Variants in JPH3 observed in about 807,000 individuals in gnomAD.
The protein encoded by JPH3 is junctophilin-3.
Under a neutral mutation model 59.6 loss-of-function variants are expected in JPH3, and 11 were observed. The ratio of observed to expected loss-of-function variants is 0.18; its 90% CI spans 0.12 to 0.31. The LOEUF is 0.31. Ranked by LOEUF, JPH3 falls within the 10% of genes least tolerant of loss-of-function variation. JPH3 has a pLI of 1.00. For missense variants in JPH3, 1,202 were observed against 1,105.7 expected, an observed-to-expected ratio of 1.09 and a Z score of -1.24; for synonymous variants, 673 against 483.6, an observed-to-expected ratio of 1.39 and a Z score of -5.14.
At chr16:87,618,753 T>C (rs1029407757) in intron 1 of JPH3, among the ~76,000 whole-genome samples, 4 of 152,148 alleles carry the variant, frequency 2.6e-5, no homozygotes, top group African/African-American at 9.7e-5. Context: ...CATTGGTACA[T>C]CTTTGGAGCA....
intron 2 of JPH3, among the ~76,000 whole-genome samples, chr16:87,676,070 C>T (rs778287051): frequency 2.0e-5 from 3 of 152,370 alleles, no homozygotes; most frequent in East Asian, 1.9e-4. Flanking sequence ...AGTTAGATCA[C>T]GATGGTGGTG....
intron 1 of JPH3, among the ~76,000 whole-genome samples, chr16:87,632,162 C>T (rs1235228474): frequency 6.6e-6 from 1 of 152,174 alleles, no homozygotes; most frequent in Non-Finnish European, 1.5e-5. Flanking sequence ...GAGGAATTTT[C>T]CACCTCTCTC....
chr16:87,646,552 A>G (rs1227189599), intron 2 of JPH3, among the ~76,000 whole-genome samples: 2 of 152,362 alleles, frequency 1.3e-5, no homozygotes, highest in South Asian at 2.1e-4. Context: ...AAAATAAATA[A>G]CACTGAGAAG....
chr16:87,616,504 C>G (rs1308312855), intron 1 of JPH3, among the ~76,000 whole-genome samples: 2 of 151,770 alleles, frequency 1.3e-5, no homozygotes, highest in African/African-American at 2.4e-5. Context: ...CCCACCTCGG[C>G]CTTCCAAAGT....
At chr16:87,622,267 A>G (rs151245641) in intron 1 of JPH3, among the ~76,000 whole-genome samples, 20 of 152,332 alleles carry the variant, frequency 1.3e-4, no homozygotes, top group African/African-American at 4.6e-4. Context: ...GCTCAGGGGA[A>G]GTTTCCAGAA....
intron 1 of JPH3, among the ~76,000 whole-genome samples, chr16:87,639,630 T>A (rs77497965): frequency 2.0e-5 from 3 of 147,564 alleles, no homozygotes; most frequent in Non-Finnish European, 4.5e-5. Flanking sequence ...CTGGCCTCCC[T>A]CCTGGCCTCC....
intron 4 of JPH3, 62 bp from the exon 5 acceptor site, chr16:87,696,518 G>A (rs997123399): frequency 7.9e-6 from 11 of 1,391,802 alleles, no homozygotes; most frequent in Admixed American, 3.4e-5. Context: ...GGTGGGAGGC[G>A]TGGTGGCCCA....
At position 87,644,941 on chromosome 16, in the gene JPH3, G is replaced by A; in HGVS notation, c.1066G>A (p.Ala356Thr). The part of the protein sequence containing the change: ...GKRKNLIPLR[A>T]SKIREKVDRA... The stretch of plus-strand genomic sequence containing the variant: ...GCGCAAGAACCTCATCCCCCTGCGG[G>A]CCAGCAAGATCCGCGAGAAGGTGGA... The change falls in exon 2 of 5, where the codon GCC (alanine) becomes ACC (threonine). Residue 356 changes from alanine (A) to threonine (T), a missense_variant. Physicochemically the swap from Ala to Thr is moderately conservative, Grantham distance 58. Coordinates refer to ENST00000284262, the MANE Select transcript of JPH3 (RefSeq NM_020655.4). The A allele has an allele frequency of 5.0e-6, 8 of 1,612,296 alleles. No homozygotes were observed. The highest frequency in any genetic ancestry group is 6.8e-6 in the Non-Finnish European group (8 of 1,179,920).
chr16:87,604,504 C>A, intron 1 of JPH3: 1 of 1,309,770 alleles, frequency 7.6e-7, no homozygotes. Flanking sequence ...GGGAGCTTAT[C>A]CTCAGAGGCA....
At chr16:87,634,557 C>T (rs922156012) in intron 1 of JPH3, among the ~76,000 whole-genome samples, 3 of 152,216 alleles carry the variant, frequency 2.0e-5, no homozygotes, top group African/African-American at 4.8e-5. Context: ...CTGCAGGCTT[C>T]GTCTCCTCCC....
chr16:87,655,085 A>T (rs2032450956), intron 2 of JPH3: 1 of 152,026 alleles, frequency 6.6e-6, no homozygotes. Flanking sequence ...GAGTGTCTCG[A>T]GTGGGGCTCT....
At chr16:87,635,661 G>C (rs1010667798) in intron 1 of JPH3, among the ~76,000 whole-genome samples, 2 of 152,236 alleles carry the variant, frequency 1.3e-5, no homozygotes, top group Admixed American at 6.5e-5. Context: ...CGCAGCTGTG[G>C]CTCGAGTGAC....
intron 1 of JPH3, among the ~76,000 whole-genome samples, chr16:87,643,564 C>T (rs1414841005): frequency 6.6e-6 from 1 of 152,190 alleles, no homozygotes. Context: ...TAGTGTGTAG[C>T]CCACACCTGT....
At chr16:87,632,941 C>T (rs1045408991) in intron 1 of JPH3, among the ~76,000 whole-genome samples, 1 of 151,992 alleles carries the variant, frequency 6.6e-6, no homozygotes, top group African/African-American at 2.4e-5. Context: ...CTGTGTTGCC[C>T]AGGCTGGTCT....
chr16:87,608,090 G>A (rs1030330791), intron 1 of JPH3, among the ~76,000 whole-genome samples: 6 of 152,326 alleles, frequency 3.9e-5, no homozygotes, highest in Admixed American at 2.6e-4. Flanking sequence ...AGTGAGGACC[G>A]GCACCCGCCT....
At chr16:87,659,456 G>T (rs187452459) in intron 2 of JPH3, among the ~76,000 whole-genome samples, 2 of 151,510 alleles carry the variant, frequency 1.3e-5, no homozygotes, top group South Asian at 4.2e-4. Flanking sequence ...AGGCACAGTG[G>T]CTCACGCCTA....
At chr16:87,617,916 A>G (rs1202273680) in intron 1 of JPH3, among the ~76,000 whole-genome samples, 1 of 151,988 alleles carries the variant, frequency 6.6e-6, no homozygotes, top group African/African-American at 2.4e-5. Context: ...TAATCCCAGC[A>G]CTTTGGGAGA....
rs1190940682 is a variant in JPH3, at chr16:87,644,615, A to T, written c.740A>T (p.Glu247Val). Residue 247 changes from glutamate (E) to valine (V), a missense_variant, in exon 2 of 5, where the codon GAG (glutamate) becomes GTG (valine). By Grantham distance (121) the Glu-to-Val change is moderately radical (BLOSUM62 -2). Transcript: ENST00000284262. The part of the protein sequence containing the change: ...QRSKQSSFRS[E>V]AGMSTVSSTA... The stretch of plus-strand genomic sequence containing the variant: ...AGCAAGCAGAGCTCCTTTCGCAGCG[A>T]GGCGGGCATGAGCACCGTCAGCTCC... 6.2e-7 allele frequency: 1 copy of T among 1,612,472 alleles called. No homozygotes were observed. The highest frequency in any genetic ancestry group is 1.7e-5 in the Admixed American group (1 of 60,004).
At chr16:87,667,446 C>G (rs1281835354) in intron 2 of JPH3, among the ~76,000 whole-genome samples, 2 of 152,234 alleles carry the variant, frequency 1.3e-5, no homozygotes, top group African/African-American at 2.4e-5. Context: ...GTCTGCCGCC[C>G]GACTTCCCCA....
Sources: gnomAD v4.1 joint callset for allele counts (sites outside exome capture counted in the v4.1 genomes callset) on GRCh38, gnomAD v4.1.1 for gene constraint, MANE v1.5 for transcripts, NCBI Gene and HGNC (gene_info 2026-07-23, HGNC 2026-07-21) for gene names.